Variants in SPTLC1 observed in about 807,000 individuals in gnomAD.
SPTLC1 encodes the protein serine palmitoyltransferase long chain base subunit 1, also known as serine palmitoyltransferase 1.
In SPTLC1, 55 loss-of-function variants were observed where a neutral mutation model predicts 68.9. The observed-to-expected ratio is 0.80, with a 90% CI of 0.64 to 1.00. SPTLC1 has a LOEUF of 1.00. Ranked by LOEUF, SPTLC1 falls within the 50% of genes least tolerant of loss-of-function variation. The pLI is 0.00. For synonymous variants in SPTLC1, 197 were observed against 201.6 expected, an observed-to-expected ratio of 0.98 and a Z score of 0.19; for missense variants, 449 against 573.1, an observed-to-expected ratio of 0.78 and a Z score of 2.21.
chr9:92,080,145 A>C, intron 4 of SPTLC1, 57 bp from the exon 5 acceptor site: 1 of 1,421,634 alleles, frequency 7.0e-7, no homozygotes, highest in East Asian at 2.4e-5. Flanking sequence ...GTTCAAAACA[A>C]ACATTTCCTA....
At chr9:92,066,235 G>A (rs950427475) in intron 6 of SPTLC1, among the ~76,000 whole-genome samples, 7 of 152,226 alleles carry the variant, frequency 4.6e-5, no homozygotes, top group African/African-American at 1.7e-4. Flanking sequence ...GTGTGAGAGA[G>A]TGTGTGTGTC....
intron 7 of SPTLC1, among the ~76,000 whole-genome samples, chr9:92,057,688 T>C (rs768600147): frequency 1.3e-5 from 2 of 152,158 alleles, no homozygotes; most frequent in African/African-American, 4.8e-5. Context: ...TCATGAACCA[T>C]GGCGCTTGGA....
At chr9:92,079,152 T>C in intron 5 of SPTLC1, 1 of 413,674 alleles carries the variant, frequency 2.4e-6, no homozygotes, top group South Asian at 5.5e-5. Context: ...CTCGGCTCAC[T>C]GCAACCTCTG....
chr9:92,104,158 C>T lies in SPTLC1; in HGVS notation c.260+4582G>A, dbSNP rs376151515. Among the ~76,000 whole-genome samples, 106 of 152,322 alleles carry T rather than the reference C, an allele frequency of 7.0e-4. 2 individuals carry two copies. The South Asian group carries it at 0.02, about 29-fold the overall frequency. On this transcript the variant is annotated intron_variant, in intron 3 of 14. Transcript: ENST00000262554. ...GTGGGTGACTTCGGAGTATCCTCTCCGCTTCTGACCCTTAGTTTCGTCTGT... is the reference window on the plus strand; with the variant it reads ...GTGGGTGACTTCGGAGTATCCTCTCTGCTTCTGACCCTTAGTTTCGTCTGT...
intron 12 of SPTLC1, among the ~76,000 whole-genome samples, chr9:92,041,755 G>C (rs1055734083): frequency 6.6e-6 from 1 of 152,116 alleles, no homozygotes; most frequent in Non-Finnish European, 1.5e-5. Context: ...TAACAGTGTA[G>C]AAAAAGATAT....
chr9:92,080,112 A>C (rs1834826716), intron 4 of SPTLC1, 24 bp from the exon 5 acceptor site: 3 of 1,585,522 alleles, frequency 1.9e-6, no homozygotes, highest in Non-Finnish European at 2.6e-6. Context: ...CAAGAATTAT[A>C]CTTTAATAAT....
intron 7 of SPTLC1, among the ~76,000 whole-genome samples, chr9:92,057,928 G>T (rs185490741): frequency 1.5e-4 from 23 of 152,292 alleles, no homozygotes; most frequent in Non-Finnish European, 2.4e-4. Flanking sequence ...ATGGCTTACA[G>T]ATCTTGTAGA....
intron 12 of SPTLC1, among the ~76,000 whole-genome samples, chr9:92,038,704 A>G (rs564186508): frequency 3.3e-5 from 5 of 152,206 alleles, no homozygotes; most frequent in South Asian, 4.1e-4. Context: ...CTCGCCCCCA[A>G]TGTTTGTTCT....
chr9:92,052,951 A>T (rs1381319750), intron 8 of SPTLC1, among the ~76,000 whole-genome samples: 1 of 152,112 alleles, frequency 6.6e-6, no homozygotes, highest in East Asian at 1.9e-4. Flanking sequence ...AATAAATGAA[A>T]CAAACCCCCA....
chr9:92,096,106 A>C (rs1835519713), intron 3 of SPTLC1, among the ~76,000 whole-genome samples: 1 of 152,248 alleles, frequency 6.6e-6, no homozygotes. Flanking sequence ...CCTTCAACTC[A>C]GCTCCCAAAT....
intron 6 of SPTLC1, among the ~76,000 whole-genome samples, chr9:92,060,442 G>A (rs1270988920): frequency 6.6e-6 from 1 of 152,084 alleles, no homozygotes; most frequent in Non-Finnish European, 1.5e-5. Flanking sequence ...GACACCTGAA[G>A]CAAATGAAAT....
intron 6 of SPTLC1, among the ~76,000 whole-genome samples, chr9:92,064,670 CT>C (rs565437159): frequency 2.6e-5 from 4 of 151,452 alleles, no homozygotes; most frequent in African/African-American, 7.3e-5. Context: ...TTTAGAGCAG[CT>C]TTTTTTTTAT....
At chr9:92,065,814 G>C (rs1170042661) in intron 6 of SPTLC1, among the ~76,000 whole-genome samples, 1 of 152,136 alleles carries the variant, frequency 6.6e-6, no homozygotes, top group Non-Finnish European at 1.5e-5. Flanking sequence ...CTTAGACCCA[G>C]GACATTTGCT....
chr9:92,050,177 G>C (rs1034258346), intron 8 of SPTLC1, 110 bp from the exon 9 acceptor site: 4 of 736,386 alleles, frequency 5.4e-6, no homozygotes, highest in Non-Finnish European at 9.7e-6. Flanking sequence ...CAATACTTGT[G>C]AATTCTATAT....
Position 92,032,171 on chromosome 9 carries a change from G to C in SPTLC1, c.*294C>G. ...GACAACAAAAGAATATAAAATACTA[G>C]TATAAGAAAACATTTAAATAGTACT... On this transcript the variant is annotated 3_prime_UTR_variant, in exon 15 of 15. Coordinates refer to ENST00000262554, the MANE Select transcript of SPTLC1 (RefSeq NM_006415.4). 9.9e-7 allele frequency: 1 copy of C among 1,008,256 alleles called. No individual in the cohort carries two copies. Among genetic ancestry groups the C allele is most frequent in the Non-Finnish European group, 1.4e-6 (1 of 711,772 alleles). 62.5% of individuals were successfully genotyped at this position (1,008,256 alleles called of 1,614,324 possible). A position where few individuals can be genotyped will look rare whatever the true frequency, so the allele number is the denominator to read the frequency against.
At chr9:92,080,475 G>A (rs918302713) in intron 4 of SPTLC1, among the ~76,000 whole-genome samples, 3 of 152,122 alleles carry the variant, frequency 2.0e-5, no homozygotes, top group Admixed American at 6.5e-5. Context: ...TCTAGGTCCC[G>A]CTCACAACTC....
At chr9:92,049,231 A>G (rs4344138) in intron 9 of SPTLC1, among the ~76,000 whole-genome samples, 16,414 of 152,090 alleles carry the variant, frequency 0.11, 1,913 homozygotes, top group African/African-American at 0.3. Flanking sequence ...TTATAGTTCA[A>G]CTCTGTAACA....
At chr9:92,041,082 T>C (rs962614137) in intron 12 of SPTLC1, among the ~76,000 whole-genome samples, 3 of 152,146 alleles carry the variant, frequency 2.0e-5, no homozygotes, top group East Asian at 1.9e-4. Context: ...ATCACCAAGG[T>C]AGCCACGGTC....
At chr9:92,096,335 T>C (rs1835527083) in intron 3 of SPTLC1, among the ~76,000 whole-genome samples, 1 of 152,168 alleles carries the variant, frequency 6.6e-6, no homozygotes, top group South Asian at 2.1e-4. Context: ...AATGTGGTGA[T>C]GGATATGTTA....
Sources: gnomAD v4.1 joint callset for allele counts (sites outside exome capture counted in the v4.1 genomes callset) on GRCh38, gnomAD v4.1.1 for gene constraint, MANE v1.5 for transcripts, NCBI Gene and HGNC (gene_info 2026-07-23, HGNC 2026-07-21) for gene names.